The following ACOT7 variants were observed in gnomAD, a reference collection of about 807,000 sequenced individuals.
ACOT7 encodes cytosolic acyl coenzyme A thioester hydrolase.
ACOT7 carries 12 observed loss-of-function variants against 40.2 expected under a neutral mutation model. The ratio of observed to expected loss-of-function variants is 0.30; its 90% CI spans 0.19 to 0.48. The LOEUF (loss-of-function observed/expected upper bound fraction) is 0.48. Among genes scored for constraint, ACOT7 ranks in the 20% least tolerant of loss-of-function variants. The pLI is 0.99. For synonymous variants in ACOT7, 228 were observed against 219.5 expected (o/e 1.04, Z -0.34); for missense variants, 395 against 530.8 (o/e 0.74, Z 2.51).
chr1:6,376,756 C>T (rs538405861), intron 1 of ACOT7, among the ~76,000 whole-genome samples: 4 of 149,124 alleles, frequency 2.7e-5, no homozygotes, highest in South Asian at 2.1e-4. Flanking sequence ...ATTAGCTGGG[C>T]GTGGTGGTGG....
At chr1:6,276,420 A>ACGAGAC (rs1046647321) in intron 8 of ACOT7, among the ~76,000 whole-genome samples, 4 of 152,000 alleles carry the variant, frequency 2.6e-5, no homozygotes, top group African/African-American at 9.7e-5. Flanking sequence ...CTCTTCTAAT[A>ACGAGAC]CGAGACCGAG....
At chr1:6,293,048 C>T (rs1053196414) in intron 7 of ACOT7, among the ~76,000 whole-genome samples, 1 of 152,032 alleles carries the variant, frequency 6.6e-6, no homozygotes, top group African/African-American at 2.4e-5. Flanking sequence ...CGCCACCACG[C>T]CTGGCTAATT....
At chr1:6,327,249 T>G in intron 5 of ACOT7, 50 bp downstream of exon 5, 1 of 1,584,256 alleles carries the variant, frequency 6.3e-7, no homozygotes, top group Non-Finnish European at 8.7e-7. Flanking sequence ...CTGCCTCCTA[T>G]GCGTCCCCGG....
chr1:6,268,681 G>A (rs759601299), intron 8 of ACOT7, among the ~76,000 whole-genome samples: 11 of 152,246 alleles, frequency 7.2e-5, no homozygotes, highest in Non-Finnish European at 1.6e-4. Flanking sequence ...CACGCGGCAC[G>A]GCCCGAACGG....
chr1:6,284,990 C>T (rs1044653257), intron 7 of ACOT7, among the ~76,000 whole-genome samples: 1 of 152,252 alleles, frequency 6.6e-6, no homozygotes, highest in Non-Finnish European at 1.5e-5. Flanking sequence ...CCCTCTAGAA[C>T]TGTCCTCCAC....
At chr1:6,295,127 C>T (rs754361531) in intron 6 of ACOT7, 147 bp from the exon 7 acceptor site, 3 of 578,814 alleles carry the variant, frequency 5.2e-6, no homozygotes, top group Non-Finnish European at 9.2e-6. Context: ...TGCTCGGCCG[C>T]ACGTGCTGTG....
At chr1:6,349,352 G>C (rs944811400) in intron 2 of ACOT7, among the ~76,000 whole-genome samples, 6 of 152,198 alleles carry the variant, frequency 3.9e-5, no homozygotes, top group Non-Finnish European at 5.9e-5. Context: ...GGGTTGGTCA[G>C]GGCAGAGGTG....
chr1:6,307,512 C>T (rs573444299), intron 6 of ACOT7, among the ~76,000 whole-genome samples: 1 of 152,340 alleles, frequency 6.6e-6, no homozygotes, highest in East Asian at 1.9e-4. Context: ...ATACAGAGTG[C>T]TCATGAGAGG....
In ACOT7 at chr1:6,355,570, C is replaced by T. The variant is rs551311188; in HGVS notation, c.144-5704G>A. On this transcript the variant is annotated intron_variant, in intron 1 of 8. Transcript: ENST00000361521. This position sits in a 1 kb window ranked among gnomAD's most constrained non-coding sequence, Gnocchi z 5.0. ...CGACCATTCCAGGAAGGAGGTGTGA[C>T]AAACCAGAGGCCTCCATGGCCCCCA... Among the ~76,000 whole-genome samples, 22 of 152,336 alleles carry T rather than the reference C, an allele frequency of 1.4e-4. No homozygotes were observed. The highest frequency in any genetic ancestry group is 2.2e-4 in the Non-Finnish European group (15 of 68,038).
At position 6,275,021 on chromosome 1, in the gene ACOT7, C is replaced by A. The variant is rs1639148114; in HGVS notation, c.1014+6081G>T. Among the ~76,000 whole-genome samples, 1 of 152,216 alleles carries A rather than the reference C, an allele frequency of 6.6e-6. No individual in the cohort carries two copies. The highest frequency in any genetic ancestry group is 2.4e-5 in the African/African-American group (1 of 41,456). On this transcript the variant is annotated intron_variant, in intron 8 of 8. Coordinates refer to ENST00000361521, the MANE Select transcript of ACOT7 (RefSeq NM_007274.4). The surrounding 1 kb of genome is among the most constrained non-coding windows in gnomAD (Gnocchi z 5.6). Reference sequence around the variant, plus strand: ...AGATGGGCCTGCTGGCCGTGCGACCCCTGGCGAGTGACTCCCTGCCTGGTG... The same window carrying A: ...AGATGGGCCTGCTGGCCGTGCGACCACTGGCGAGTGACTCCCTGCCTGGTG...
At chr1:6,347,764 C>T (rs889895766) in intron 2 of ACOT7, among the ~76,000 whole-genome samples, 4 of 147,694 alleles carry the variant, frequency 2.7e-5, no homozygotes, top group African/African-American at 7.9e-5. Context: ...GAGACTCTGT[C>T]TCAGAAAAAA....
intron 6 of ACOT7, among the ~76,000 whole-genome samples, chr1:6,297,512 C>G (rs1308538251): frequency 6.6e-6 from 1 of 152,188 alleles, no homozygotes; most frequent in Non-Finnish European, 1.5e-5. Context: ...CAGAGGCCAG[C>G]CAGGGCCCCC....
At chr1:6,335,446 T>C (rs112574106) in intron 3 of ACOT7, among the ~76,000 whole-genome samples, 4,042 of 152,006 alleles carry the variant, frequency 0.027, 137 homozygotes, top group African/African-American at 0.076. Context: ...TGAGCCTAGA[T>C]TGCACCACTG....
chr1:6,317,027 T>C (rs1640515361), intron 6 of ACOT7, among the ~76,000 whole-genome samples: 1 of 152,132 alleles, frequency 6.6e-6, no homozygotes, highest in African/African-American at 2.4e-5. Flanking sequence ...GAAGGATAAA[T>C]AGGAGTTTTC....
intron 1 of ACOT7, among the ~76,000 whole-genome samples, chr1:6,388,067 A>G (rs1303776666): frequency 6.8e-6 from 1 of 147,472 alleles, no homozygotes; most frequent in Non-Finnish European, 1.5e-5. Flanking sequence ...CAGCTTCCCA[A>G]GTAACTGGGA....
At chr1:6,267,771 G>T (rs1230774183) in intron 8 of ACOT7, among the ~76,000 whole-genome samples, 2 of 152,212 alleles carry the variant, frequency 1.3e-5, no homozygotes, top group Admixed American at 6.5e-5. Context: ...ACCCAACCAT[G>T]CTGTGTGCCC....
At chr1:6,362,173 G>A (rs991392512) in intron 1 of ACOT7, among the ~76,000 whole-genome samples, 5 of 152,220 alleles carry the variant, frequency 3.3e-5, no homozygotes, top group Admixed American at 6.5e-5. Context: ...GCTCACGCCT[G>A]TAATCCCAGC....
intron 6 of ACOT7, among the ~76,000 whole-genome samples, chr1:6,315,753 T>TC (rs1557646684): frequency 1.2e-5 from 1 of 83,608 alleles, no homozygotes; most frequent in Non-Finnish European, 2.6e-5. Context: ...AGACTCTGTC[T>TC]AAAAAAAAAA....
Position 6,274,436 on chromosome 1 carries a change from G to A in ACOT7, c.1014+6666C>T, listed in dbSNP as rs959847509. 1.3e-5 allele frequency among the ~76,000 whole-genome samples: 2 copies of A among 152,198 alleles called. No homozygotes were observed. Among genetic ancestry groups the A allele is most frequent in the African/African-American group, 4.8e-5 (2 of 41,452 alleles). On this transcript the variant is annotated intron_variant, in intron 8 of 8. Transcript: ENST00000361521. The surrounding 1 kb of genome is among the most constrained non-coding windows in gnomAD (Gnocchi z 5.9). Reference sequence around the variant, plus strand: ...CCCATCCCGCCCCTCCAGCTGAACAGCAGGTCAAACAGTGCCCTCCTTCCG... The same window carrying A: ...CCCATCCCGCCCCTCCAGCTGAACAACAGGTCAAACAGTGCCCTCCTTCCG...
Sources: gnomAD v4.1 joint callset for allele counts (sites outside exome capture counted in the v4.1 genomes callset) on GRCh38, gnomAD v4.1.1 for gene constraint, Gnocchi (gnomAD v3.1) non-coding constraint, MANE v1.5 for transcripts, NCBI Gene and HGNC (gene_info 2026-07-23, HGNC 2026-07-21) for gene names.